The following POU6F2 variants were observed in gnomAD, a reference collection of about 807,000 sequenced individuals.
POU6F2 encodes POU class 6 homeobox 2.
Under a neutral mutation model 71.3 loss-of-function variants are expected in POU6F2, and 31 were observed. That is an observed-to-expected ratio of 0.43 (90% confidence interval 0.33 to 0.59). The LOEUF is 0.59. Ranked by LOEUF, POU6F2 falls within the 20% of genes least tolerant of loss-of-function variation. The pLI is 0.04. For missense variants in POU6F2, 783 were observed against 856.8 expected (o/e 0.91, Z 1.07); for synonymous variants, 347 against 355.7 (o/e 0.98, Z 0.27).
chr7:39,342,862 C>T lies in POU6F2; in HGVS notation c.972+2847C>T, dbSNP rs565680883. ...TTACTGAATTCTGTGAAAAGGATTACATTTACAAAACCAAGTTGTTTTAAG... is the reference window on the plus strand; with the variant it reads ...TTACTGAATTCTGTGAAAAGGATTATATTTACAAAACCAAGTTGTTTTAAG... On this transcript the variant is annotated intron_variant, in intron 5 of 9. Transcript: ENST00000518318. Among the ~76,000 whole-genome samples the T allele has an allele frequency of 5.3e-5, 8 of 152,286 alleles. No homozygotes were observed. The East Asian group carries it at 1.5e-3, about 29-fold the overall frequency.
chr7:39,313,582 G>A (rs976865511), intron 4 of POU6F2, among the ~76,000 whole-genome samples: 18 of 151,930 alleles, frequency 1.2e-4, no homozygotes, highest in African/African-American at 4.4e-4. Flanking sequence ...AATAAATCAG[G>A]GTCTAAGTCC....
intron 2 of POU6F2, among the ~76,000 whole-genome samples, chr7:39,122,622 C>T (rs2128727821): frequency 6.6e-6 from 1 of 151,902 alleles, no homozygotes; most frequent in African/African-American, 2.4e-5. Flanking sequence ...TTTAGATTGA[C>T]TGCTATCTTA....
chr7:39,207,535 A>G lies in POU6F2; in HGVS notation c.513A>G (p.Pro171=). The G allele has an allele frequency of 6.2e-7, 1 of 1,614,036 alleles. No homozygotes were observed. The highest frequency in any genetic ancestry group is 8.5e-7 in the Non-Finnish European group (1 of 1,179,890). Residue 171 remains proline (P), a synonymous_variant, in exon 4 of 10, where the codon CCA becomes CCG. Coordinates refer to ENST00000518318, the MANE Select transcript of POU6F2 (RefSeq NM_001370959.1). ...GGQQGLVLTL[P]TANLTNIQGL... Reference sequence around the variant, plus strand: ...AGCAAGGACTGGTTCTCACACTGCCAACAGCGAATCTCACCAACATCCAAG... The same window carrying G: ...AGCAAGGACTGGTTCTCACACTGCCGACAGCGAATCTCACCAACATCCAAG...
chr7:39,097,706 C>T (rs993030800), intron 2 of POU6F2, among the ~76,000 whole-genome samples: 2 of 152,156 alleles, frequency 1.3e-5, no homozygotes, highest in East Asian at 3.9e-4. Flanking sequence ...GTGCTGTGTC[C>T]TGAGGACTCA....
At chr7:39,332,934 A>G (rs188055156) in intron 4 of POU6F2, among the ~76,000 whole-genome samples, 1 of 152,284 alleles carries the variant, frequency 6.6e-6, no homozygotes, top group Admixed American at 6.5e-5. Context: ...TGGGGTGCCC[A>G]CATCCACATT....
chr7:39,079,333 C>T (rs144772312), intron 1 of POU6F2, among the ~76,000 whole-genome samples: 44 of 151,922 alleles, frequency 2.9e-4, no homozygotes, highest in African/African-American at 1.0e-3. Context: ...GGATTACAGG[C>T]GCCCGCAACC....
chr7:39,113,158 C>A (rs1791856220), intron 2 of POU6F2, among the ~76,000 whole-genome samples: 1 of 152,124 alleles, frequency 6.6e-6, no homozygotes, highest in South Asian at 2.1e-4. Flanking sequence ...CCTCTTGGTA[C>A]CCACTTTATG....
At chr7:38,995,944 T>C (rs1356819642) in intron 1 of POU6F2, among the ~76,000 whole-genome samples, 1 of 152,022 alleles carries the variant, frequency 6.6e-6, no homozygotes, top group Non-Finnish European at 1.5e-5. Context: ...AAACTTTCCT[T>C]GTGGAAGAAA....
chr7:38,995,972 C>T (rs923749770), intron 1 of POU6F2, among the ~76,000 whole-genome samples: 2 of 149,188 alleles, frequency 1.3e-5, no homozygotes, highest in Non-Finnish European at 3.0e-5. Context: ...GCTCATCCAT[C>T]TTTGCCTTTT....
chr7:39,036,284 A>T (rs532875583), intron 1 of POU6F2, among the ~76,000 whole-genome samples: 1 of 152,252 alleles, frequency 6.6e-6, no homozygotes, highest in East Asian at 1.9e-4. Context: ...GTGTTTGTTT[A>T]TTTAATTGTA....
intron 2 of POU6F2, among the ~76,000 whole-genome samples, chr7:39,105,653 A>G (rs1490290929): frequency 6.6e-6 from 1 of 152,172 alleles, no homozygotes; most frequent in Non-Finnish European, 1.5e-5. Context: ...TCCCATTAAG[A>G]CTCAGAATTA....
chr7:39,180,560 A>G (rs1281523812), intron 2 of POU6F2, among the ~76,000 whole-genome samples: 2 of 152,006 alleles, frequency 1.3e-5, no homozygotes, highest in Non-Finnish European at 1.5e-5. Context: ...CTTCATTCCA[A>G]AATTGTATGG....
At chr7:39,182,119 A>G (rs1793446972) in intron 2 of POU6F2, among the ~76,000 whole-genome samples, 1 of 152,216 alleles carries the variant, frequency 6.6e-6, no homozygotes, top group South Asian at 2.1e-4. Context: ...GATGTTTCAC[A>G]TTGCTTATAA....
At chr7:39,132,275 C>G (rs776150630) in intron 2 of POU6F2, 1 of 152,164 alleles carries the variant, frequency 6.6e-6, no homozygotes, top group Admixed American at 6.5e-5. Context: ...TTCAAATTTG[C>G]TCATAATTCC....
chr7:39,111,547 T>G (rs964491706), intron 2 of POU6F2, among the ~76,000 whole-genome samples: 8 of 152,198 alleles, frequency 5.3e-5, no homozygotes, highest in Non-Finnish European at 1.5e-5. Context: ...AATATTAAAA[T>G]AATGAATTTT....
intron 1 of POU6F2, among the ~76,000 whole-genome samples, chr7:38,980,605 G>A (rs776799563): frequency 4.6e-5 from 7 of 152,052 alleles, no homozygotes; most frequent in South Asian, 4.1e-4. Context: ...CTTAAATATC[G>A]TCTTATATCT....
intron 4 of POU6F2, among the ~76,000 whole-genome samples, chr7:39,233,024 A>G (rs1312520458): frequency 2.6e-5 from 4 of 152,212 alleles, no homozygotes; most frequent in African/African-American, 9.6e-5. Flanking sequence ...ATTGTAGCAT[A>G]TTATATATTT....
intron 4 of POU6F2, among the ~76,000 whole-genome samples, chr7:39,241,467 A>G (rs1783724599): frequency 1.3e-5 from 2 of 152,174 alleles, no homozygotes; most frequent in Non-Finnish European, 2.9e-5. Context: ...GGTGTGGTGA[A>G]GGTGTCACTC....
intron 5 of POU6F2, among the ~76,000 whole-genome samples, chr7:39,345,946 C>T (rs1339064868): frequency 6.6e-6 from 1 of 152,190 alleles, no homozygotes; most frequent in African/African-American, 2.4e-5. Flanking sequence ...TTGAGGGCTT[C>T]ATTCATGATT....
Sources: allele counts gnomAD v4.1 joint callset (sites outside exome capture counted in the v4.1 genomes callset), GRCh38; gene constraint gnomAD v4.1.1; transcripts MANE v1.5; gene names NCBI Gene and HGNC (gene_info 2026-07-23, HGNC 2026-07-21).